FUBP1: variants seen among roughly 807,000 people sequenced by gnomAD.
FUBP1 encodes the protein far upstream element-binding protein 1.
A neutral mutation model predicts 94.9 loss-of-function variants in FUBP1; 16 were observed. That is an observed-to-expected ratio of 0.17 (90% CI 0.11 to 0.26). The LOEUF (loss-of-function observed/expected upper bound fraction) is 0.26. FUBP1 is among the 10% of genes least tolerant of loss of function. The pLI, the probability that FUBP1 is intolerant of heterozygous loss-of-function variation, is 1.00. For synonymous variants in FUBP1, 279 were observed against 254.9 expected (o/e 1.09, Z -0.90); for missense variants, 583 against 808.6 (o/e 0.72, Z 3.38).
At chr1:77,956,363 C>T (rs571580016) in intron 17 of FUBP1, among the ~76,000 whole-genome samples, 1 of 152,180 alleles carries the variant, frequency 6.6e-6, no homozygotes, top group Non-Finnish European at 1.5e-5. Context: ...AAAACATTAA[C>T]AGCTGGGCTA....
Position 77,945,846 on chromosome 1 carries a change from A to G in FUBP1, c.*2920T>C, listed in dbSNP as rs1403631093. On this transcript the variant is annotated 3_prime_UTR_variant, in exon 20 of 20. Transcript: ENST00000370768. Reference sequence around the variant, plus strand: ...ACAAACATTTTAAACTGGCAAAAAAATTAAATGCAGCGTCAGTTATTAAAA... The same window carrying G: ...ACAAACATTTTAAACTGGCAAAAAAGTTAAATGCAGCGTCAGTTATTAAAA... 9.5e-6 allele frequency: 2 copies of G among 211,528 alleles called. No homozygotes were observed. Among genetic ancestry groups the G allele is most frequent in the Non-Finnish European group, 1.9e-5 (2 of 104,334 alleles). The allele number at this position is 211,528 out of a possible 1,614,324, so 13.1% of individuals were successfully genotyped here. A position where few individuals can be genotyped will look rare whatever the true frequency, so the allele number is the denominator to read the frequency against.
chr1:77,969,864 C>A, intron 2 of FUBP1, 61 bp downstream of exon 2: 3 of 707,328 alleles, frequency 4.2e-6, no homozygotes, highest in South Asian at 2.1e-5. Context: ...AGAAAAATAC[C>A]GAGAATCACT....
In FUBP1 at chr1:77,963,553, TA is replaced by T; in HGVS notation, c.1183+20del. The T allele has an allele frequency of 7.0e-7, 1 of 1,432,276 alleles. No homozygotes were observed. Among genetic ancestry groups the T allele is most frequent in the Non-Finnish European group, 9.8e-7 (1 of 1,019,914 alleles). The allele number at this position is 1,432,276 out of a possible 1,614,324, so 88.7% of individuals were successfully genotyped here. On this transcript the variant is annotated intron_variant, in intron 13 of 19. Coordinates refer to ENST00000370768, the MANE Select transcript of FUBP1 (RefSeq NM_003902.5). ...AAAAATGAATAATGTGTTAAAACAT[TA>T]AGAGTTTAAAATACATTGCCTTTTC...
rs527701002 is a variant in FUBP1 at position 77,951,088 on chromosome 1, T to C, written c.1781-1788A>G. ...AATATCTAAAAAACTGGTGTGACAA[T>C]AGCAATAAAACCACACATTGTCTCT... is the stretch of plus-strand genomic sequence containing the variant. On this transcript the variant is annotated intron_variant, in intron 18 of 19. Transcript: ENST00000370768. 1.2e-4 allele frequency among the ~76,000 whole-genome samples: 18 copies of C among 152,286 alleles called. No homozygotes were observed. The East Asian group carries it at 1.5e-3, about 13-fold the overall frequency.
intron 14 of FUBP1, among the ~76,000 whole-genome samples, chr1:77,962,467 T>C (rs983330066): frequency 1.3e-5 from 2 of 152,212 alleles, no homozygotes; most frequent in African/African-American, 2.4e-5. Flanking sequence ...CCGTTAACTA[T>C]GTCCTTCAAG....
At chr1:77,954,355 G>A (rs1451988105) in intron 18 of FUBP1, among the ~76,000 whole-genome samples, 1 of 152,056 alleles carries the variant, frequency 6.6e-6, no homozygotes, top group African/African-American at 2.4e-5. Context: ...GCCTAAGCTA[G>A]GTCACAAAAA....
chr1:77,952,478 G>C (rs1032183224), intron 18 of FUBP1, among the ~76,000 whole-genome samples: 1 of 151,676 alleles, frequency 6.6e-6, no homozygotes, highest in Admixed American at 6.6e-5. Flanking sequence ...AGCTGTGAAA[G>C]CCTGCCTAGT....
At position 77,960,380 on chromosome 1, in the gene FUBP1, G is replaced by A. The variant is rs1342815419; in HGVS notation, c.1460C>T (p.Ala487Val). 4 of 1,606,332 alleles carry A rather than the reference G, an allele frequency of 2.5e-6. No individual in the cohort carries two copies. Among genetic ancestry groups the A allele is most frequent in the Non-Finnish European group, 2.5e-6 (3 of 1,178,498 alleles). Residue 487 changes from alanine (A) to valine (V), a missense_variant, in exon 15 of 20, where the codon GCA (alanine) becomes GTA (valine). Coordinates refer to ENST00000370768, the MANE Select transcript of FUBP1 (RefSeq NM_003902.5). Reference protein sequence around the residue: ...PGTPMGPYNPAPYNPGPPGPA... With the variant: ...PGTPMGPYNPVPYNPGPPGPA... ...GCCTGGTGGTCCAGGATTATAAGGT[G>A]CAGGGTTGTATGGTCCCATTGGAGT...
chr1:77,961,129 A>G (rs1655398833), intron 14 of FUBP1, among the ~76,000 whole-genome samples: 1 of 152,232 alleles, frequency 6.6e-6, no homozygotes, highest in Non-Finnish European at 1.5e-5. Flanking sequence ...ATAAATCAGG[A>G]TATTTTATAT....
In FUBP1 at chr1:77,956,468, T is replaced by C. The variant is rs1654475662; in HGVS notation, c.1705+104A>G. ...AAAAAGGAAAAGTCTGCTTAAATTA[T>C]AATTAAATAATGTCAGAAATTTTAG... On this transcript the variant is annotated intron_variant, in intron 17 of 19. Transcript: ENST00000370768. The C allele has an allele frequency of 1.2e-5, 7 of 602,858 alleles. No homozygotes were observed. The Admixed American group carries it at 1.7e-4, about 15-fold the overall frequency. The allele number at this position is 602,858 out of a possible 1,614,324, so 37.3% of individuals were successfully genotyped here. A position where few individuals can be genotyped will look rare whatever the true frequency, so the allele number is the denominator to read the frequency against.
intron 1 of FUBP1, among the ~76,000 whole-genome samples, chr1:77,974,007 C>G (rs1047592852): frequency 1.1e-4 from 17 of 152,034 alleles, no homozygotes; most frequent in African/African-American, 3.9e-4. Context: ...ACTTATGCAA[C>G]TACATAAAGG....
upstream of FUBP1, chr1:77,979,147 CA>C: frequency 1.2e-6 from 1 of 815,686 alleles, no homozygotes; most frequent in South Asian, 1.8e-5. Flanking sequence ...ACTGAAGGAA[CA>C]AAATCTCGCG....
intron 19 of FUBP1, 97 bp downstream of exon 19, chr1:77,949,058 T>A: frequency 8.4e-7 from 1 of 1,194,162 alleles, no homozygotes; most frequent in South Asian, 1.3e-5. Flanking sequence ...CTTTGCCAGA[T>A]AAAAATTTAA....
intron 19 of FUBP1, 96 bp downstream of exon 19, chr1:77,949,058 TA>T: frequency 8.4e-7 from 1 of 1,194,162 alleles, no homozygotes; most frequent in Non-Finnish European, 1.2e-6. Context: ...CTTTGCCAGA[TA>T]AAAATTTAAA....
Position 77,964,284 on chromosome 1 carries a change from C to T in FUBP1, c.910G>A (p.Asp304Asn). The change falls in exon 11 of 20, where the codon GAT becomes AAT. Residue 304 changes from aspartate (D) to asparagine (N), a missense_variant. Physicochemically the swap from Asp to Asn is conservative, Grantham distance 23. Transcript: ENST00000370768. Reference protein sequence around the residue: ...NGEMIKKIQNDAGVRIQFKPD... With the variant: ...NGEMIKKIQNNAGVRIQFKPD... Reference sequence around the variant, plus strand: ...TTAAACTGAATGCGAACACCAGCATCATTTTGTATTTTTTTGATCATCTCT... The same window carrying T: ...TTAAACTGAATGCGAACACCAGCATTATTTTGTATTTTTTTGATCATCTCT... The T allele has an allele frequency of 6.2e-7, 1 of 1,609,804 alleles. No individual in the cohort carries two copies. The highest frequency in any genetic ancestry group is 8.5e-7 in the Non-Finnish European group (1 of 1,178,028).
At chr1:77,977,175 TC>T (rs2102533705) in intron 1 of FUBP1, among the ~76,000 whole-genome samples, 1 of 152,234 alleles carries the variant, frequency 6.6e-6, no homozygotes, top group South Asian at 2.1e-4. Flanking sequence ...TATCATAGCT[TC>T]TTAGTAGGAA....
At chr1:77,976,878 G>A (rs1375148867) in intron 1 of FUBP1, among the ~76,000 whole-genome samples, 2 of 152,060 alleles carry the variant, frequency 1.3e-5, no homozygotes, top group Admixed American at 6.6e-5. Context: ...CTCGTTTCAC[G>A]TCCTCCCACC....
intron 7 of FUBP1, 98 bp from the exon 8 acceptor site, chr1:77,965,329 C>T: frequency 1.4e-6 from 1 of 691,210 alleles, no homozygotes; most frequent in Non-Finnish European, 2.3e-6. Flanking sequence ...TCCTCCTATC[C>T]CAGTTCAGGA....
Position 77,960,353 on chromosome 1 carries a change from G to C in FUBP1, c.1487C>G (p.Pro496Arg). The change falls in exon 15 of 20, where the codon CCG becomes CGG. Residue 496 changes from proline (P) to arginine (R), a missense_variant. Coordinates refer to ENST00000370768, the MANE Select transcript of FUBP1 (RefSeq NM_003902.5). ...PAPYNPGPPG[P>R]APHGPPAPYA... Reference sequence around the variant, plus strand: ...TAAACCCAATACTTACTGAGGAGCCGGGCCTGGTGGTCCAGGATTATAAGG... The same window carrying C: ...TAAACCCAATACTTACTGAGGAGCCCGGCCTGGTGGTCCAGGATTATAAGG... The C allele has an allele frequency of 6.2e-7, 1 of 1,610,378 alleles. No individual in the cohort carries two copies. Among genetic ancestry groups the C allele is most frequent in the African/African-American group, 1.3e-5 (1 of 74,686 alleles).
Sources: gnomAD v4.1 joint callset for allele counts (sites outside exome capture counted in the v4.1 genomes callset) on GRCh38, gnomAD v4.1.1 for gene constraint, MANE v1.5 for transcripts, NCBI Gene and HGNC (gene_info 2026-07-23, HGNC 2026-07-21) for gene names.